Variants in TMEM132C observed in about 807,000 individuals in gnomAD.
TMEM132C encodes the protein transmembrane protein 132C, also known as protein phosphatase 1, regulatory subunit 152.
Under a neutral mutation model 61.4 loss-of-function variants are expected in TMEM132C, and 29 were observed. The ratio of observed to expected loss-of-function variants is 0.47; its 90% confidence interval spans 0.35 to 0.64. The LOEUF is 0.64. Among genes scored for constraint, TMEM132C ranks in the 30% least tolerant of loss-of-function variants. The pLI, the probability that TMEM132C is intolerant of heterozygous loss-of-function variation, is 0.00. For missense variants in TMEM132C, 1,408 were observed against 1,476.9 expected (o/e 0.95, Z 0.76); for synonymous variants, 656 against 633.1 (o/e 1.04, Z -0.54).
At chr12:128,320,134 G>T (rs993986257) in intron 1 of TMEM132C, among the ~76,000 whole-genome samples, 2 of 152,106 alleles carry the variant, frequency 1.3e-5, no homozygotes, top group Non-Finnish European at 2.9e-5. Context: ...TCTGTAGGTG[G>T]TTTTTTTCTA....
At chr12:128,635,699 A>G (rs1486788261) in intron 4 of TMEM132C, among the ~76,000 whole-genome samples, 1 of 152,184 alleles carries the variant, frequency 6.6e-6, no homozygotes, top group Non-Finnish European at 1.5e-5. Context: ...TCAGGGTTGC[A>G]GCAGAACATT....
chr12:128,366,244 C>T (rs1317258790), intron 1 of TMEM132C, among the ~76,000 whole-genome samples: 1 of 152,180 alleles, frequency 6.6e-6, no homozygotes, highest in African/African-American at 2.4e-5. Flanking sequence ...TCTGCTTTTC[C>T]TTTTTTACCT....
chr12:128,482,398 G>T lies in TMEM132C; in HGVS notation c.975-61559G>T, dbSNP rs139990121. On this transcript the variant is annotated intron_variant, in intron 2 of 8. Transcript: ENST00000435159. ...TGCCAGTATTTTATTGATGATTTTT[G>T]TATCGATGTTCATCAGGGATATTGA... 3.7e-3 allele frequency among the ~76,000 whole-genome samples: 568 copies of T among 152,234 alleles called. 4 individuals are homozygous for T. The highest frequency in any genetic ancestry group is 0.013 in the African/African-American group (542 of 41,540).
At chr12:128,483,474 G>T (rs1020350119) in intron 2 of TMEM132C, among the ~76,000 whole-genome samples, 6 of 152,010 alleles carry the variant, frequency 3.9e-5, no homozygotes, top group Non-Finnish European at 8.8e-5. Flanking sequence ...CACACCACCT[G>T]GTTTTCTGGG....
chr12:128,549,023 A>C (rs113419687), intron 3 of TMEM132C, among the ~76,000 whole-genome samples: 4,433 of 152,160 alleles, frequency 0.029, 260 homozygotes, highest in African/African-American at 0.1. Context: ...TAACAAGGGG[A>C]AACTGTCCAA....
chr12:128,389,940 G>A (rs1390126232), intron 1 of TMEM132C, among the ~76,000 whole-genome samples: 8 of 152,278 alleles, frequency 5.3e-5, no homozygotes, highest in Admixed American at 1.3e-4. Flanking sequence ...GTGCAGTGGC[G>A]CAATCATAGC....
intron 2 of TMEM132C, among the ~76,000 whole-genome samples, chr12:128,501,484 G>T (rs944836090): frequency 6.6e-6 from 1 of 152,100 alleles, no homozygotes; most frequent in Non-Finnish European, 1.5e-5. Context: ...CCTTATAATG[G>T]TTACAGCTTG....
chr12:128,684,959 C>A (rs564833166), intron 5 of TMEM132C, among the ~76,000 whole-genome samples: 1 of 152,242 alleles, frequency 6.6e-6, no homozygotes, highest in Admixed American at 6.5e-5. Context: ...GGGGTGAGAA[C>A]AGGTACCGGC....
At chr12:128,317,774 A>G (rs1295476550) in intron 1 of TMEM132C, among the ~76,000 whole-genome samples, 6 of 152,186 alleles carry the variant, frequency 3.9e-5, no homozygotes, top group Non-Finnish European at 7.3e-5. Flanking sequence ...AGTCCTAGCT[A>G]CTAGGGAGGC....
At chr12:128,573,895 A>C (rs930581720) in intron 3 of TMEM132C, among the ~76,000 whole-genome samples, 43 of 49,310 alleles carry the variant, frequency 8.7e-4, no homozygotes, top group Non-Finnish European at 1.5e-3. Context: ...ACTTTTTTGC[A>C]ATCAAAAAAA....
At chr12:128,622,534 G>A (rs938168569) in intron 4 of TMEM132C, among the ~76,000 whole-genome samples, 1 of 151,346 alleles carries the variant, frequency 6.6e-6, no homozygotes, top group Non-Finnish European at 1.5e-5. Flanking sequence ...GGGGCATCCT[G>A]TGGTTGTTTT....
chr12:128,379,708 C>G (rs1874340915), intron 1 of TMEM132C, among the ~76,000 whole-genome samples: 2 of 152,210 alleles, frequency 1.3e-5, no homozygotes, highest in South Asian at 2.1e-4. Flanking sequence ...CCAGAATGCT[C>G]TCATCTCAAG....
chr12:128,486,237 C>T (rs914914332), intron 2 of TMEM132C, among the ~76,000 whole-genome samples: 1 of 152,102 alleles, frequency 6.6e-6, no homozygotes, highest in Non-Finnish European at 1.5e-5. Context: ...TTTTGAAGAT[C>T]GTTACCATCT....
Position 128,540,936 on chromosome 12 carries a change from T to C in TMEM132C, c.975-3021T>C, listed in dbSNP as rs1873718066. 3.8e-5 allele frequency among the ~76,000 whole-genome samples: 5 copies of C among 132,642 alleles called. No homozygotes were observed. The South Asian group carries it at 1.0e-3, about 28-fold the overall frequency. 87.0% of individuals were successfully genotyped at this position (132,642 alleles called of 152,430 possible). On this transcript the variant is annotated intron_variant, in intron 2 of 8. Transcript: ENST00000435159. ...CTTACTCTGTCTGTCTGTTTCTCTC[T>C]GTCTCTGTCTGTCTACTTCTCTCTC...
intron 2 of TMEM132C, among the ~76,000 whole-genome samples, chr12:128,425,324 T>A (rs1237473322): frequency 6.6e-6 from 1 of 152,246 alleles, no homozygotes; most frequent in Non-Finnish European, 1.5e-5. Context: ...TGAATGGCAC[T>A]CACACATGTG....
At chr12:128,296,191 GT>G (rs1301020447) in intron 1 of TMEM132C, among the ~76,000 whole-genome samples, 1 of 152,200 alleles carries the variant, frequency 6.6e-6, no homozygotes, top group East Asian at 1.9e-4. Flanking sequence ...TGAGACCTGA[GT>G]TTCCCAATCA....
chr12:128,356,297 AC>A (rs1164573715), intron 1 of TMEM132C, among the ~76,000 whole-genome samples: 1 of 152,122 alleles, frequency 6.6e-6, no homozygotes, highest in African/African-American at 2.4e-5. Flanking sequence ...GAAAACCCAG[AC>A]CCCGTGCCTC....
intron 2 of TMEM132C, among the ~76,000 whole-genome samples, chr12:128,489,767 C>T (rs1295882818): frequency 6.6e-6 from 1 of 152,026 alleles, no homozygotes; most frequent in Non-Finnish European, 1.5e-5. Context: ...CACTCAGACT[C>T]ATGTCTATAT....
At chr12:128,456,990 C>G (rs560581320) in intron 2 of TMEM132C, among the ~76,000 whole-genome samples, 1 of 152,286 alleles carries the variant, frequency 6.6e-6, no homozygotes, top group South Asian at 2.1e-4. Flanking sequence ...GTGAGTATAT[C>G]ATTCCTCTAT....
Sources: gnomAD v4.1 joint callset for allele counts (sites outside exome capture counted in the v4.1 genomes callset) on GRCh38, gnomAD v4.1.1 for gene constraint, MANE v1.5 for transcripts, NCBI Gene and HGNC (gene_info 2026-07-23, HGNC 2026-07-21) for gene names.